The following ZMYND11 variants were observed in gnomAD, a reference collection of about 807,000 sequenced individuals.
The protein encoded by ZMYND11 is zinc finger MYND-type containing 11.
In ZMYND11, 9 loss-of-function variants were observed where a neutral mutation model predicts 84.9. That is an observed-to-expected ratio of 0.11 (90% CI 0.06 to 0.18). The LOEUF is 0.18. ZMYND11 is among the 10% of genes least tolerant of loss of function. The pLI, the probability that ZMYND11 is intolerant of heterozygous loss-of-function variation, is 1.00. For missense variants in ZMYND11, 409 were observed against 761.0 expected, an observed-to-expected ratio of 0.54 and a Z score of 5.44; for synonymous variants, 250 against 244.1, an observed-to-expected ratio of 1.02 and a Z score of -0.23.
intron 1 of ZMYND11, among the ~76,000 whole-genome samples, chr10:160,018 A>T (rs1443571111): frequency 6.6e-6 from 1 of 152,198 alleles, no homozygotes; most frequent in African/African-American, 2.4e-5. Context: ...CCAAAGCAGT[A>T]TTGAGTAAGA....
In ZMYND11 at chr10:186,222, G is replaced by A. The variant is rs540753343; in HGVS notation, c.116+6094G>A. ...GAGACGGGGTTTCACTGTGTTAGCC[G>A]GGATGGTCTCAATCTCCTGACCTTC... On this transcript the variant is annotated intron_variant, in intron 2 of 14. Coordinates refer to ENST00000381604, the MANE Select transcript of ZMYND11 (RefSeq NM_001370100.5). 2.9e-3 allele frequency among the ~76,000 whole-genome samples: 441 copies of A among 151,638 alleles called. 2 individuals are homozygous for A. Among genetic ancestry groups the A allele is most frequent in the African/African-American group, 9.7e-3 (402 of 41,440 alleles).
At chr10:196,275 GA>G (rs1941723389) in intron 2 of ZMYND11, among the ~76,000 whole-genome samples, 1 of 152,098 alleles carries the variant, frequency 6.6e-6, no homozygotes, top group African/African-American at 2.4e-5. Flanking sequence ...TAATACTACG[GA>G]AAATTTTTTC....
At chr10:204,755 C>T (rs1461244566) in intron 2 of ZMYND11, among the ~76,000 whole-genome samples, 1 of 152,050 alleles carries the variant, frequency 6.6e-6, no homozygotes, top group African/African-American at 2.4e-5. Context: ...TCAAAATCTT[C>T]ATGATAGTTT....
chr10:239,123 C>A (rs7909116), intron 6 of ZMYND11, among the ~76,000 whole-genome samples: 97,673 of 151,672 alleles, frequency 0.64, 31,633 homozygotes, highest in East Asian at 0.83. Context: ...AGCATTCGTG[C>A]ACTACCAAGC....
intron 14 of ZMYND11, chr10:249,751 T>C: frequency 1.0e-6 from 1 of 985,364 alleles, no homozygotes; most frequent in Non-Finnish European, 1.2e-6. Flanking sequence ...ATAACTTGGT[T>C]TCAGTTTTAA....
At position 209,168 on chromosome 10, in the gene ZMYND11, G is replaced by A. The variant is rs148278606; in HGVS notation, c.117-721G>A. 1.4e-3 allele frequency among the ~76,000 whole-genome samples: 210 copies of A among 152,012 alleles called. 2 individuals carry two copies. Among genetic ancestry groups the A allele is most frequent in the African/African-American group, 4.4e-3 (181 of 41,476 alleles). On this transcript the variant is annotated intron_variant, in intron 2 of 14. Transcript: ENST00000381604. ...AAAAAAGATACAAAGCAAATATGCC[G>A]AATATTAACATGAGTTGAATATAGT...
intron 2 of ZMYND11, among the ~76,000 whole-genome samples, chr10:182,810 C>T (rs912429484): frequency 5.9e-5 from 9 of 152,154 alleles, no homozygotes; most frequent in Admixed American, 2.6e-4. Flanking sequence ...TGCATTATGG[C>T]AGGAAGTCAG....
At chr10:190,019 A>T (rs1417146405) in intron 2 of ZMYND11, among the ~76,000 whole-genome samples, 7 of 152,336 alleles carry the variant, frequency 4.6e-5, no homozygotes, top group African/African-American at 1.7e-4. Context: ...AGGCAGAAAG[A>T]GTTAGACCAG....
intron 3 of ZMYND11, among the ~76,000 whole-genome samples, chr10:212,979 G>A (rs1026820175): frequency 2.0e-5 from 3 of 152,104 alleles, no homozygotes; most frequent in Non-Finnish European, 2.9e-5. Flanking sequence ...GCTACTCAGC[G>A]ACTGTCCATG....
chr10:212,257 AATTTTT>A (rs1945375854), intron 3 of ZMYND11, among the ~76,000 whole-genome samples: 1 of 152,042 alleles, frequency 6.6e-6, no homozygotes, highest in African/African-American at 2.4e-5. Flanking sequence ...CCTATGTTCT[AATTTTT>A]ATTTTTATAT....
intron 13 of ZMYND11, 99 bp downstream of exon 13, chr10:248,707 A>G: frequency 6.9e-7 from 1 of 1,440,406 alleles, no homozygotes; most frequent in Non-Finnish European, 9.2e-7. Flanking sequence ...CAGCTTTTAC[A>G]TGTAGCCATA....
At chr10:139,022 T>G (rs1554753245) in intron 1 of ZMYND11, among the ~76,000 whole-genome samples, 1 of 152,078 alleles carries the variant, frequency 6.6e-6, no homozygotes, top group Non-Finnish European at 1.5e-5. Context: ...ACCATGCCGG[T>G]CTTAAACTCC....
chr10:202,311 T>A (rs577189551), intron 2 of ZMYND11, among the ~76,000 whole-genome samples: 1 of 152,204 alleles, frequency 6.6e-6, no homozygotes, highest in African/African-American at 2.4e-5. Context: ...AGGTATGAAT[T>A]TCTTTGAACT....
chr10:240,749 C>CT (rs941600047), intron 8 of ZMYND11, 144 bp from the exon 9 acceptor site: 5 of 659,614 alleles, frequency 7.6e-6, no homozygotes, highest in South Asian at 6.2e-5. Flanking sequence ...TTATTGAAAA[C>CT]TTTAAAATTT....
intron 10 of ZMYND11, among the ~76,000 whole-genome samples, chr10:244,874 G>A (rs934965899): frequency 1.3e-5 from 2 of 152,228 alleles, no homozygotes; most frequent in African/African-American, 4.8e-5. Context: ...AAGAACAGAT[G>A]TGAATCCACT....
chr10:246,879 G>A lies in ZMYND11; in HGVS notation c.1064G>A (p.Arg355His), dbSNP rs746023648. The change falls in exon 11 of 15, where the codon CGT becomes CAT. Residue 355 changes from arginine (R) to histidine (H), a missense_variant. Arg to His is a conservative substitution (Grantham distance 29). Around this residue, in one of 7 missense-constraint regions of ZMYND11, gnomAD observed 48 missense variants for 61.1 expected, o/e 0.79. Transcript: ENST00000381604. ...KACDELELHQ[R>H]FLREGRFWKS... ...TGTGATGAGCTGGAGCTGCATCAGC[G>A]TTTCCTACGAGAAGGGAGATTTTGG... is the stretch of plus-strand genomic sequence containing the variant. 3.7e-5 allele frequency: 60 copies of A among 1,613,956 alleles called. No homozygotes were observed. Among genetic ancestry groups the A allele is most frequent in the Non-Finnish European group, 5.0e-5 (59 of 1,180,004 alleles).
intron 1 of ZMYND11, among the ~76,000 whole-genome samples, chr10:174,750 A>G (rs1846178342): frequency 6.6e-6 from 1 of 151,236 alleles, no homozygotes; most frequent in South Asian, 2.1e-4. Flanking sequence ...ATTGGTCAAA[A>G]CCCAAGGGCA....
At chr10:149,762 A>G (rs190500960) in intron 1 of ZMYND11, among the ~76,000 whole-genome samples, 101 of 152,282 alleles carry the variant, frequency 6.6e-4, no homozygotes, top group East Asian at 3.5e-3. Context: ...GAGAAGGGCA[A>G]TTATTCTGTT....
chr10:141,350 A>G (rs953340290), intron 1 of ZMYND11, among the ~76,000 whole-genome samples: 2 of 152,222 alleles, frequency 1.3e-5, no homozygotes, highest in African/African-American at 2.4e-5. Flanking sequence ...TTGCCATTGT[A>G]GAGTTTTCAG....
Sources: gnomAD v4.1 joint callset for allele counts (sites outside exome capture counted in the v4.1 genomes callset) on GRCh38, gnomAD v4.1.1 for gene constraint, gnomAD v4.1.1 regional missense constraint, MANE v1.5 for transcripts, NCBI Gene and HGNC (gene_info 2026-07-23, HGNC 2026-07-21) for gene names.